NEK11: variants seen among roughly 807,000 people sequenced by gnomAD.
The protein encoded by NEK11 is NIMA related kinase 11.
NEK11 carries 72 observed loss-of-function variants against 80.7 expected under a neutral mutation model. The observed-to-expected ratio is 0.89, with a 90% CI of 0.74 to 1.08. The LOEUF (loss-of-function observed/expected upper bound fraction) is 1.08, where lower values mean the gene tolerates loss of function less well. Among genes scored for constraint, NEK11 ranks in the 50% least tolerant of loss-of-function variants. NEK11 has a pLI of 0.00. For missense variants in NEK11, 764 were observed against 763.6 expected, an observed-to-expected ratio of 1.00 and a Z score of -0.01; for synonymous variants, 251 against 260.7, an observed-to-expected ratio of 0.96 and a Z score of 0.36.
intron 14 of NEK11, among the ~76,000 whole-genome samples, chr3:131,217,457 G>A (rs1005595880): frequency 6.6e-6 from 1 of 152,142 alleles, no homozygotes; most frequent in African/African-American, 2.4e-5. Context: ...TTTTCCTCTA[G>A]CTATGCTGTT....
intron 3 of NEK11, among the ~76,000 whole-genome samples, chr3:131,046,146 C>T (rs908042824): frequency 7.9e-5 from 12 of 152,086 alleles, no homozygotes; most frequent in Non-Finnish European, 1.3e-4. Flanking sequence ...ATTCCTTATG[C>T]GGTTTGTTGC....
At chr3:131,236,689 T>C (rs2095436938) in intron 15 of NEK11, among the ~76,000 whole-genome samples, 1 of 152,206 alleles carries the variant, frequency 6.6e-6, no homozygotes, top group Non-Finnish European at 1.5e-5. Flanking sequence ...GATGTGGCTC[T>C]GTGTTCCTAT....
intron 17 of NEK11, among the ~76,000 whole-genome samples, chr3:131,297,297 A>G (rs1482241671): frequency 6.6e-6 from 1 of 152,016 alleles, no homozygotes; most frequent in Non-Finnish European, 1.5e-5. Flanking sequence ...AAGTGTTCCT[A>G]TTTCTCCAAA....
intron 15 of NEK11, among the ~76,000 whole-genome samples, chr3:131,239,838 A>G (rs2095493876): frequency 6.6e-6 from 1 of 152,138 alleles, no homozygotes; most frequent in South Asian, 2.1e-4. Flanking sequence ...TCATTCATTC[A>G]TTCATTCACA....
At chr3:131,191,666 C>G (rs141522258) in intron 14 of NEK11, among the ~76,000 whole-genome samples, 1 of 152,076 alleles carries the variant, frequency 6.6e-6, no homozygotes, top group Non-Finnish European at 1.5e-5. Flanking sequence ...GGTTATTATT[C>G]TGCCTACTAC....
intron 17 of NEK11, among the ~76,000 whole-genome samples, chr3:131,326,591 CT>C (rs1230299775): frequency 6.6e-6 from 1 of 152,178 alleles, no homozygotes; most frequent in African/African-American, 2.4e-5. Context: ...CTCAAAGAGG[CT>C]TTTCTTAATG....
chr3:131,100,020 C>A (rs1337491784), intron 4 of NEK11, among the ~76,000 whole-genome samples: 2 of 152,136 alleles, frequency 1.3e-5, no homozygotes, highest in Non-Finnish European at 2.9e-5. Flanking sequence ...TAAGAGTGGG[C>A]ACCCTCATCT....
At chr3:131,274,377 G>T (rs1001782727) in intron 17 of NEK11, among the ~76,000 whole-genome samples, 7 of 143,046 alleles carry the variant, frequency 4.9e-5, no homozygotes, top group African/African-American at 1.5e-4. Context: ...ATTTGGGTTG[G>T]TTCCAAGTCT....
At chr3:131,100,874 C>T (rs1004680609) in intron 4 of NEK11, among the ~76,000 whole-genome samples, 1 of 151,934 alleles carries the variant, frequency 6.6e-6, no homozygotes, top group Non-Finnish European at 1.5e-5. Flanking sequence ...TGGTGCAGGA[C>T]TTTTTTTGGT....
rs139413745 is a variant in NEK11, at chr3:131,210,936, G to A, written c.1400-17592G>A. ...TCTTGACTCTTTATCCAATTTGCCA[G>A]TCTGTGTCTTTTAATTGGGGCATTT... On this transcript the variant is annotated intron_variant, in intron 14 of 17. Coordinates refer to ENST00000383366, the MANE Select transcript of NEK11 (RefSeq NM_024800.5). Among the ~76,000 whole-genome samples, 517 of 152,252 alleles carry A rather than the reference G, an allele frequency of 3.4e-3. 2 individuals are homozygous for A. Among genetic ancestry groups the A allele is most frequent in the African/African-American group, 0.011 (475 of 41,576 alleles).
At chr3:131,268,244 T>C (rs1227085524) in intron 16 of NEK11, among the ~76,000 whole-genome samples, 1 of 152,190 alleles carries the variant, frequency 6.6e-6, no homozygotes, top group East Asian at 1.9e-4. Flanking sequence ...GAGTTTGTTA[T>C]TACCCACCTT....
intron 17 of NEK11, among the ~76,000 whole-genome samples, chr3:131,337,794 C>A (rs1282363932): frequency 2.0e-5 from 3 of 151,906 alleles, no homozygotes; most frequent in East Asian, 1.9e-4. Context: ...TCAATCTGAA[C>A]CCCCCCTCCA....
At chr3:131,316,386 AAC>A (rs887547155) in intron 17 of NEK11, among the ~76,000 whole-genome samples, 7 of 152,192 alleles carry the variant, frequency 4.6e-5, no homozygotes, top group East Asian at 3.9e-4. Flanking sequence ...GCTTTAGAGA[AAC>A]ACACAGTTTT....
intron 16 of NEK11, among the ~76,000 whole-genome samples, chr3:131,254,039 T>C (rs1275939950): frequency 1.3e-5 from 2 of 152,202 alleles, no homozygotes; most frequent in Middle Eastern, 3.2e-3. Context: ...AGCAGACATG[T>C]AGCATGTTCT....
chr3:131,117,374 T>C (rs2081439650), intron 5 of NEK11, among the ~76,000 whole-genome samples: 1 of 152,250 alleles, frequency 6.6e-6, no homozygotes, highest in Non-Finnish European at 1.5e-5. Context: ...TTTTGGTTAC[T>C]GTAGCCTTGT....
chr3:131,288,450 C>CTTTCTTTCTT (rs536834704), intron 17 of NEK11, among the ~76,000 whole-genome samples: 1,371 of 115,360 alleles, frequency 0.012, 35 homozygotes, highest in African/African-American at 0.039. Flanking sequence ...TTCTTTCTTT[C>CTTTCTTTCTT]TTTTTTTTTT....
At chr3:131,051,414 G>A (rs2068392465) in intron 3 of NEK11, among the ~76,000 whole-genome samples, 1 of 152,146 alleles carries the variant, frequency 6.6e-6, no homozygotes, top group Non-Finnish European at 1.5e-5. Context: ...ATATTTGCCA[G>A]GTCTAAAATA....
At chr3:131,331,975 G>T (rs915997547) in intron 17 of NEK11, among the ~76,000 whole-genome samples, 8 of 152,232 alleles carry the variant, frequency 5.3e-5, no homozygotes, top group Admixed American at 1.3e-4. Context: ...CTTGAGCTGG[G>T]TGGAGCCCAC....
chr3:131,230,697 A>G (rs1031941454), intron 15 of NEK11, among the ~76,000 whole-genome samples: 1 of 152,146 alleles, frequency 6.6e-6, no homozygotes, highest in Admixed American at 6.5e-5. Context: ...TCTGGGTTGT[A>G]TATCTATCAC....
Sources: allele counts gnomAD v4.1 joint callset (sites outside exome capture counted in the v4.1 genomes callset), GRCh38; gene constraint gnomAD v4.1.1; transcripts MANE v1.5; gene names NCBI Gene and HGNC (gene_info 2026-07-23, HGNC 2026-07-21).